The following CARD14 variants were observed in gnomAD, a reference collection of about 807,000 sequenced individuals.
CARD14 encodes the protein caspase recruitment domain-containing protein 14.
In CARD14, 107 loss-of-function variants were observed where a neutral mutation model predicts 111.5. That is an observed-to-expected ratio of 0.96 (90% CI 0.82 to 1.13). The LOEUF is 1.13. CARD14 is among the 50% of genes most tolerant of loss of function. The pLI is 0.00. For synonymous variants in CARD14, 617 were observed against 579.6 expected, an observed-to-expected ratio of 1.06 and a Z score of -0.93; for missense variants, 1,322 against 1,362.3, an observed-to-expected ratio of 0.97 and a Z score of 0.47.
At chr17:80,184,662 T>C (rs1477341907) in intron 7 of CARD14, among the ~76,000 whole-genome samples, 2 of 150,410 alleles carry the variant, frequency 1.3e-5, no homozygotes, top group East Asian at 3.9e-4. Flanking sequence ...TCAGGCGGGA[T>C]AGTTGGTCTC....
Position 80,195,799 on chromosome 17 carries a change from G to A in CARD14, c.1594+147G>A, listed in dbSNP as rs1441223724. Reference sequence around the variant, plus strand: ...TGCCCTGGGCCTTGACCTTGGCCTCGACCTTGCACTTTGGGAAAGTCCCGC... The same window carrying A: ...TGCCCTGGGCCTTGACCTTGGCCTCAACCTTGCACTTTGGGAAAGTCCCGC... On this transcript the variant is annotated intron_variant, in intron 14 of 23. Coordinates refer to ENST00000648509, the MANE Select transcript of CARD14 (RefSeq NM_001366385.1). The surrounding 1 kb of genome is among the most constrained non-coding windows in gnomAD (Gnocchi z 4.7). 9 of 676,438 alleles carry A rather than the reference G, an allele frequency of 1.3e-5. No individual in the cohort carries two copies. The East Asian group carries it at 2.0e-4, about 15-fold the overall frequency. 41.9% of individuals were successfully genotyped at this position (676,438 alleles called of 1,614,324 possible). A position where few individuals can be genotyped will look rare whatever the true frequency, so the allele number is the denominator to read the frequency against.
intron 23 of CARD14, 112 bp from the exon 24 acceptor site, chr17:80,208,026 C>T (rs754302433): frequency 2.2e-4 from 169 of 752,032 alleles, no homozygotes; most frequent in Non-Finnish European, 3.2e-4. Flanking sequence ...CCCCTCAAAG[C>T]GAGGCCACCT....
rs1049220201 is a variant in CARD14 at position 80,188,255 on chromosome 17, G to A, written c.676-122G>A. The A allele has an allele frequency of 2.5e-5, 26 of 1,038,934 alleles. No homozygotes were observed. Among genetic ancestry groups the A allele is most frequent in the African/African-American group, 6.7e-5 (4 of 60,006 alleles). The allele number at this position is 1,038,934 out of a possible 1,614,324, so 64.4% of individuals were successfully genotyped here. On this transcript the variant is annotated intron_variant, in intron 7 of 23. Coordinates refer to ENST00000648509, the MANE Select transcript of CARD14 (RefSeq NM_001366385.1). This position sits in a 1 kb window ranked among gnomAD's most constrained non-coding sequence, Gnocchi z 4.5. ...ACCCTTTCGTGGGTTTTTCAGTCTCGAGGCAGGAAGCCCCCTGAGTGCTAA... is the reference window on the plus strand; with the variant it reads ...ACCCTTTCGTGGGTTTTTCAGTCTCAAGGCAGGAAGCCCCCTGAGTGCTAA...
intron 1 of CARD14, among the ~76,000 whole-genome samples, chr17:80,171,327 T>C (rs776438896): frequency 1.6e-4 from 24 of 150,570 alleles, no homozygotes; most frequent in Non-Finnish European, 2.7e-4. Context: ...TTCTTTCTTT[T>C]CCTTTTTTTG....
Position 80,209,068 on chromosome 17 carries a change from C to T in CARD14, c.*723C>T, listed in dbSNP as rs536492628. On this transcript the variant is annotated 3_prime_UTR_variant, in exon 24 of 24. Coordinates refer to ENST00000648509, the MANE Select transcript of CARD14 (RefSeq NM_001366385.1). Reference sequence around the variant, plus strand: ...GTACCCCCGTACAAGGCCCAGCGGACTCTGCCTTCCCCTGACCTGGCTTTG... The same window carrying T: ...GTACCCCCGTACAAGGCCCAGCGGATTCTGCCTTCCCCTGACCTGGCTTTG... The T allele has an allele frequency of 1.3e-5, 2 of 154,306 alleles. No homozygotes were observed. The highest frequency in any genetic ancestry group is 4.1e-4 in the South Asian group (2 of 4,864). The allele number at this position is 154,306 out of a possible 1,614,324, so 9.6% of individuals were successfully genotyped here.
In CARD14 at chr17:80,193,362, G is replaced by A. The variant is rs560720050; in HGVS notation, c.1356+743G>A. Reference sequence around the variant, plus strand: ...GTTTCCAGGGGACCCGATTCGACCTGGCACAGACAGTCCCCAGACATGAGT... The same window carrying A: ...GTTTCCAGGGGACCCGATTCGACCTAGCACAGACAGTCCCCAGACATGAGT... On this transcript the variant is annotated intron_variant, in intron 12 of 23. Coordinates refer to ENST00000648509, the MANE Select transcript of CARD14 (RefSeq NM_001366385.1). 2.4e-3 allele frequency among the ~76,000 whole-genome samples: 361 copies of A among 151,532 alleles called. 3 individuals carry two copies. The highest frequency in any genetic ancestry group is 3.9e-3 in the Non-Finnish European group (266 of 67,436).
chr17:80,195,500 G>T lies in CARD14; in HGVS notation c.1500-58G>T. ...TGCTGGGGGCCAGTGCTTGGGGCGT[G>T]GGGACTCAGAGGGAGCAGGTGATGC... On this transcript the variant is annotated intron_variant, in intron 13 of 23. Coordinates refer to ENST00000648509, the MANE Select transcript of CARD14 (RefSeq NM_001366385.1). The surrounding 1 kb of genome is among the most constrained non-coding windows in gnomAD (Gnocchi z 4.7). The T allele has an allele frequency of 9.7e-6, 15 of 1,547,818 alleles. No homozygotes were observed. Among genetic ancestry groups the T allele is most frequent in the Non-Finnish European group, 1.3e-5 (15 of 1,140,704 alleles).
intron 14 of CARD14, chr17:80,197,315 A>T (rs2040749040): frequency 6.6e-6 from 1 of 152,280 alleles, no homozygotes; most frequent in African/African-American, 2.4e-5. Context: ...TGGGTGGATC[A>T]TGAGGTCAGG....
rs774862255 is a variant in CARD14 at position 80,189,845 on chromosome 17, C to T, written c.936C>T (p.Ala312=). The T allele has an allele frequency of 5.7e-5, 90 of 1,591,488 alleles. No individual in the cohort carries two copies. Among genetic ancestry groups the T allele is most frequent in the Non-Finnish European group, 1.9e-5 (22 of 1,171,944 alleles). Residue 312 remains alanine (A), a synonymous_variant, in exon 9 of 24, where the codon GCC becomes GCT. Coordinates refer to ENST00000648509, the MANE Select transcript of CARD14 (RefSeq NM_001366385.1). The surrounding 1 kb of genome is among the most constrained non-coding windows in gnomAD (Gnocchi z 4.7). ...VERIHSLRER[A]VAAERQREQY... ...GCATCCACTCGCTGCGGGAGCGGGC[C>T]GTGGCTGCCGAGAGGCAGCGAGAGC... is the stretch of plus-strand genomic sequence containing the variant.
rs1188348812 is a variant in CARD14, at chr17:80,203,797, T to G, written c.2220-25T>G. The G allele has an allele frequency of 6.4e-7, 1 of 1,550,738 alleles. No homozygotes were observed. The highest frequency in any genetic ancestry group is 1.4e-5 in the African/African-American group (1 of 73,474). On this transcript the variant is annotated intron_variant, in intron 18 of 23. Coordinates refer to ENST00000648509, the MANE Select transcript of CARD14 (RefSeq NM_001366385.1). This position sits in a 1 kb window ranked among gnomAD's most constrained non-coding sequence, Gnocchi z 4.6. ...GCTCACCTGGCAGGAGGCAGCTGGG[T>G]CAGGGCCTCTGCTGGTCTCTGCAGG...
At chr17:80,172,851 T>C (rs1260181280) in intron 1 of CARD14, 55 bp from the exon 2 acceptor site, 2 of 149,060 alleles carry the variant, frequency 1.3e-5, no homozygotes, top group Non-Finnish European at 3.0e-5. Flanking sequence ...ATTGAACCCA[T>C]ACTTGCTTAT....
chr17:80,186,885 G>A (rs1346040937), intron 7 of CARD14, among the ~76,000 whole-genome samples: 2 of 152,170 alleles, frequency 1.3e-5, no homozygotes, highest in African/African-American at 4.8e-5. Flanking sequence ...TGTGGGCGTA[G>A]GTGTGTCCAT....
At position 80,203,350 on chromosome 17, in the gene CARD14, C is replaced by T. The variant is rs1416266378; in HGVS notation, c.2220-472C>T. Reference sequence around the variant, plus strand: ...CCAAGTTTCAAGTGCACGGAACGCACAGTGCTAGAAAGCAGGAGTGTTGAG... The same window carrying T: ...CCAAGTTTCAAGTGCACGGAACGCATAGTGCTAGAAAGCAGGAGTGTTGAG... On this transcript the variant is annotated intron_variant, in intron 18 of 23. Coordinates refer to ENST00000648509, the MANE Select transcript of CARD14 (RefSeq NM_001366385.1). The surrounding 1 kb of genome is among the most constrained non-coding windows in gnomAD (Gnocchi z 4.6). The T allele has an allele frequency of 6.4e-6, 1 of 156,818 alleles. No homozygotes were observed. Among genetic ancestry groups the T allele is most frequent in the Admixed American group, 6.5e-5 (1 of 15,400 alleles). The allele number at this position is 156,818 out of a possible 1,614,324, so 9.7% of individuals were successfully genotyped here.
intron 20 of CARD14, chr17:80,204,654 T>C: frequency 2.7e-6 from 1 of 367,956 alleles, no homozygotes. Context: ...AGGAGAGGAG[T>C]ACAGGACAGA....
In CARD14 at chr17:80,208,550, G is replaced by A; in HGVS notation, c.*205G>A. 1 of 511,338 alleles carries A rather than the reference G, an allele frequency of 2.0e-6. No individual in the cohort carries two copies. Among genetic ancestry groups the A allele is most frequent in the South Asian group, 3.3e-5 (1 of 29,950 alleles). 31.7% of individuals were successfully genotyped at this position (511,338 alleles called of 1,614,324 possible). ...CACTTGTAACTGCACACTTTTCTGT[G>A]GAAACATCTTCACCCTTTACCAGGC... is the stretch of plus-strand genomic sequence containing the variant. On this transcript the variant is annotated 3_prime_UTR_variant, in exon 24 of 24. Coordinates refer to ENST00000648509, the MANE Select transcript of CARD14 (RefSeq NM_001366385.1).
chr17:80,189,814 T>C lies in CARD14; in HGVS notation c.905T>C (p.Val302Ala). Reference sequence around the variant, plus strand: ...GCGCGGGGGAGCCGACAGGAGCTGGTGGAGCGCATCCACTCGCTGCGGGAG... The same window carrying C: ...GCGCGGGGGAGCCGACAGGAGCTGGCGGAGCGCATCCACTCGCTGCGGGAG... ...DEARGSRQELVERIHSLRERA... is the reference protein window; with the variant it reads ...DEARGSRQELAERIHSLRERA... Residue 302 changes from valine to alanine, a missense_variant, in exon 9 of 24, where the codon GTG becomes GCG. Physicochemically the swap from Val to Ala is moderately conservative, Grantham distance 64 (BLOSUM62 0). Coordinates refer to ENST00000648509, the MANE Select transcript of CARD14 (RefSeq NM_001366385.1). The surrounding 1 kb of genome is among the most constrained non-coding windows in gnomAD (Gnocchi z 4.7). 1.3e-6 allele frequency: 2 copies of C among 1,584,898 alleles called. No individual in the cohort carries two copies. Among genetic ancestry groups the C allele is most frequent in the South Asian group, 2.3e-5 (2 of 87,532 alleles).
intron 23 of CARD14, 142 bp from the exon 24 acceptor site, chr17:80,207,996 G>A (rs922318679): frequency 1.6e-5 from 9 of 566,760 alleles, no homozygotes; most frequent in Non-Finnish European, 2.7e-5. Flanking sequence ...GGGGCCTGGG[G>A]CCTATTTTCT....
In CARD14 at chr17:80,173,179, A is replaced by G. The variant is rs1402174009; in HGVS notation, c.-416A>G. 6.5e-6 allele frequency: 1 copy of G among 153,576 alleles called. No homozygotes were observed. Among genetic ancestry groups the G allele is most frequent in the East Asian group, 1.9e-4 (1 of 5,184 alleles). 9.5% of individuals were successfully genotyped at this position (153,576 alleles called of 1,614,324 possible). A position where few individuals can be genotyped will look rare whatever the true frequency, so the allele number is the denominator to read the frequency against. On this transcript the variant is annotated 5_prime_UTR_variant, in exon 2 of 24. Coordinates refer to ENST00000648509, the MANE Select transcript of CARD14 (RefSeq NM_001366385.1). ...AGGCGTGAGCCACCGCACCAGGCCT[A>G]AACAGATTTCTTTACAATCTACCAC... is the stretch of plus-strand genomic sequence containing the variant.
At chr17:80,175,844 A>G (rs776349449) in intron 2 of CARD14, among the ~76,000 whole-genome samples, 35 of 150,894 alleles carry the variant, frequency 2.3e-4, no homozygotes, top group South Asian at 6.4e-4. Flanking sequence ...TGGCAGGGGC[A>G]GAACCGGGCA....
Sources: gnomAD v4.1 joint callset for allele counts (sites outside exome capture counted in the v4.1 genomes callset) on GRCh38, gnomAD v4.1.1 for gene constraint, Gnocchi (gnomAD v3.1) non-coding constraint, MANE v1.5 for transcripts, NCBI Gene and HGNC (gene_info 2026-07-23, HGNC 2026-07-21) for gene names.